SYNPR: variants seen among roughly 807,000 people sequenced by gnomAD.
SYNPR encodes the protein synaptoporin.
A neutral mutation model predicts 32.9 loss-of-function variants in SYNPR; 23 were observed. The observed-to-expected ratio is 0.70, with a 90% CI of 0.50 to 0.99. The LOEUF is 0.99. Ranked by LOEUF, SYNPR falls within the 50% of genes least tolerant of loss-of-function variation. The pLI, the probability that SYNPR is intolerant of heterozygous loss-of-function variation, is 0.00. For synonymous variants in SYNPR, 146 were observed against 135.9 expected (o/e 1.07, Z -0.52); for missense variants, 318 against 349.3 (o/e 0.91, Z 0.71).
chr3:63,556,118 A>T (rs1010517451), intron 3 of SYNPR, among the ~76,000 whole-genome samples: 4 of 152,218 alleles, frequency 2.6e-5, no homozygotes, highest in African/African-American at 9.6e-5. Context: ...AACAGAAAGC[A>T]GGCCAATGTA....
chr3:63,405,302 A>G (rs778023297), intron 2 of SYNPR, among the ~76,000 whole-genome samples: 35 of 152,192 alleles, frequency 2.3e-4, no homozygotes, highest in Non-Finnish European at 4.4e-4. Context: ...AGGCTATGAA[A>G]CCACAAGGAA....
At chr3:63,443,554 T>C in intron 2 of SYNPR, 1 of 1,414,818 alleles carries the variant, frequency 7.1e-7, no homozygotes, top group Non-Finnish European at 9.7e-7. Flanking sequence ...ATTTGGATTG[T>C]ACACTTTTCT....
At chr3:63,361,398 C>T (rs527916336) in intron 2 of SYNPR, among the ~76,000 whole-genome samples, 41 of 151,474 alleles carry the variant, frequency 2.7e-4, no homozygotes, top group Admixed American at 2.4e-3. Flanking sequence ...CCATCCTGGC[C>T]AACAAGGTAC....
intron 2 of SYNPR, among the ~76,000 whole-genome samples, chr3:63,364,126 AAG>A (rs2087700890): frequency 6.6e-6 from 1 of 152,206 alleles, no homozygotes; most frequent in South Asian, 2.1e-4. Flanking sequence ...TATCCTGTCA[AAG>A]AGAGTGGCCA....
upstream of SYNPR, among the ~76,000 whole-genome samples, chr3:63,224,098 G>A (rs763730169): frequency 6.6e-6 from 1 of 152,184 alleles, no homozygotes; most frequent in Non-Finnish European, 1.5e-5. Context: ...TCTGTTGAAG[G>A]AGTATAACAG....
rs1384806806 is a variant in SYNPR, at chr3:63,556,562, G to C, written c.229G>C (p.Glu77Gln). ...YPFRLHQVTFEVPTCEGKERQ... is the reference protein window; with the variant it reads ...YPFRLHQVTFQVPTCEGKERQ... ...ATTTAGGTTGCACCAGGTGACGTTT[G>C]AGGTGCCCACCTGCGAGGGAAAGGA... Residue 77 changes from glutamate (E) to glutamine (Q), a missense_variant, in exon 4 of 6, where the codon GAG (glutamate) becomes CAG (glutamine). Glu to Gln is a conservative substitution (Grantham distance 29). Transcript: ENST00000478300. 2 of 1,613,054 alleles carry C rather than the reference G, an allele frequency of 1.2e-6. No individual in the cohort carries two copies. Among genetic ancestry groups the C allele is most frequent in the Non-Finnish European group, 1.7e-6 (2 of 1,179,546 alleles).
intron 2 of SYNPR, among the ~76,000 whole-genome samples, chr3:63,385,787 G>A (rs2107075826): frequency 6.6e-6 from 1 of 152,342 alleles, no homozygotes; most frequent in South Asian, 2.1e-4. Context: ...AACACGTACA[G>A]TATGCTGTTT....
At chr3:63,227,580 G>T (rs2086137949), upstream of SYNPR, among the ~76,000 whole-genome samples, 1 of 152,086 alleles carries the variant, frequency 6.6e-6, no homozygotes, top group African/African-American at 2.4e-5. Context: ...TGTTATCAGG[G>T]TCTCAAGATC....
At chr3:63,233,818 T>G (rs1030321540) in intron 1 of SYNPR, among the ~76,000 whole-genome samples, 1 of 152,200 alleles carries the variant, frequency 6.6e-6, no homozygotes, top group African/African-American at 2.4e-5. Context: ...ACAGTATGTA[T>G]GTTATGAGAT....
At chr3:63,238,176 T>A (rs2086213239) in intron 1 of SYNPR, among the ~76,000 whole-genome samples, 1 of 152,168 alleles carries the variant, frequency 6.6e-6, no homozygotes, top group African/African-American at 2.4e-5. Context: ...TCTTGCCTCC[T>A]GCTTACTATC....
intron 2 of SYNPR, among the ~76,000 whole-genome samples, chr3:63,370,428 C>T (rs1428445337): frequency 6.6e-6 from 1 of 152,196 alleles, no homozygotes; most frequent in Non-Finnish European, 1.5e-5. Context: ...CATTGACAAG[C>T]TGTCTAGTGT....
chr3:63,412,147 G>A (rs943331447), intron 2 of SYNPR, among the ~76,000 whole-genome samples: 2 of 152,008 alleles, frequency 1.3e-5, no homozygotes, highest in African/African-American at 4.8e-5. Context: ...TTTTCTGATG[G>A]GCAACTGATA....
chr3:63,333,609 A>T (rs1346645501), intron 2 of SYNPR, among the ~76,000 whole-genome samples: 1 of 151,900 alleles, frequency 6.6e-6, no homozygotes, highest in Non-Finnish European at 1.5e-5. Context: ...TAGAGATGGG[A>T]GTCTTCCTAT....
chr3:63,537,018 G>T (rs2106797239), intron 3 of SYNPR, among the ~76,000 whole-genome samples: 1 of 152,170 alleles, frequency 6.6e-6, no homozygotes, highest in South Asian at 2.1e-4. Flanking sequence ...AAATTAGATA[G>T]TATGTAGGTT....
chr3:63,381,758 C>G (rs1472931349), intron 2 of SYNPR, among the ~76,000 whole-genome samples: 1 of 152,136 alleles, frequency 6.6e-6, no homozygotes, highest in African/African-American at 2.4e-5. Flanking sequence ...TTCATTCTCT[C>G]TGTGTATTGT....
At chr3:63,494,438 T>TATATATACAC (rs1559516332) in intron 3 of SYNPR, among the ~76,000 whole-genome samples, 37 of 127,614 alleles carry the variant, frequency 2.9e-4, no homozygotes, top group African/African-American at 9.5e-4. Flanking sequence ...TATATACGTA[T>TATATATACAC]ATATATATAC....
Position 63,311,751 on chromosome 3 carries a change from T to C in SYNPR, c.84+33009T>C, listed in dbSNP as rs117539873. On this transcript the variant is annotated intron_variant, in intron 2 of 5. Coordinates refer to ENST00000478300, the MANE Select transcript of SYNPR (RefSeq NM_001130003.2). ...TATAATAAGTACATATATGAATACT[T>C]AGAAGTATTGTCATCAAACAGGTTA... Among the ~76,000 whole-genome samples the C allele has an allele frequency of 2.4e-4, 36 of 152,176 alleles. No homozygotes were observed. In the East Asian group the frequency reaches 6.8e-3, roughly 29 times the overall value.
At chr3:63,466,506 C>T (rs1342012739) in intron 2 of SYNPR, among the ~76,000 whole-genome samples, 1 of 150,048 alleles carries the variant, frequency 6.7e-6, no homozygotes, top group African/African-American at 2.5e-5. Flanking sequence ...TGGTCATCTT[C>T]CTTTAGTGGT....
intron 2 of SYNPR, among the ~76,000 whole-genome samples, chr3:63,264,802 C>T (rs1341721694): frequency 6.6e-6 from 1 of 152,108 alleles, no homozygotes; most frequent in Non-Finnish European, 1.5e-5. Flanking sequence ...GCACTTTCCT[C>T]ACAGGGTGGA....
Sources: gnomAD v4.1 joint callset for allele counts (sites outside exome capture counted in the v4.1 genomes callset) on GRCh38, gnomAD v4.1.1 for gene constraint, MANE v1.5 for transcripts, NCBI Gene and HGNC (gene_info 2026-07-23, HGNC 2026-07-21) for gene names.